The following SLIT1 variants were observed in gnomAD, a reference collection of about 807,000 sequenced individuals.
SLIT1 encodes slit homolog 1 protein.
In SLIT1, 66 loss-of-function variants were observed where a neutral mutation model predicts 186.1. The ratio of observed to expected loss-of-function variants is 0.35; its 90% CI spans 0.29 to 0.44. The LOEUF (loss-of-function observed/expected upper bound fraction) is 0.44. Ranked by LOEUF, SLIT1 falls within the 20% of genes least tolerant of loss-of-function variation. The probability of loss-of-function intolerance (pLI) is 1.00; values close to 1 mark genes in which losing one functional copy is unlikely to be tolerated. For missense variants in SLIT1, 1,638 were observed against 2,037.4 expected (o/e 0.80, Z 3.77); for synonymous variants, 761 against 833.8 (o/e 0.91, Z 1.50).
intron 4 of SLIT1, among the ~76,000 whole-genome samples, chr10:97,092,111 C>T (rs1057133217): frequency 2.6e-5 from 4 of 152,252 alleles, no homozygotes; most frequent in Admixed American, 2.0e-4. Flanking sequence ...GCTGTCAAGG[C>T]AGCTCTGGCA....
intron 1 of SLIT1, among the ~76,000 whole-genome samples, chr10:97,165,994 C>T (rs1014901324): frequency 6.6e-6 from 1 of 152,052 alleles, no homozygotes; most frequent in Non-Finnish European, 1.5e-5. Context: ...CTCCCTCAGG[C>T]CTCACTCCAG....
intron 4 of SLIT1, among the ~76,000 whole-genome samples, chr10:97,091,583 T>C (rs1427038638): frequency 1.3e-5 from 2 of 152,250 alleles, no homozygotes; most frequent in Non-Finnish European, 2.9e-5. Flanking sequence ...AACTTTACCA[T>C]CCTGCTGGTC....
intron 4 of SLIT1, among the ~76,000 whole-genome samples, chr10:97,132,307 T>C (rs192551530): frequency 3.3e-5 from 5 of 152,278 alleles, no homozygotes; most frequent in Admixed American, 3.3e-4. Flanking sequence ...AACTTGAGGT[T>C]CCCCTTCAAT....
intron 4 of SLIT1, among the ~76,000 whole-genome samples, chr10:97,093,640 C>T (rs144988664): frequency 6.6e-6 from 1 of 152,352 alleles, no homozygotes; most frequent in Non-Finnish European, 1.5e-5. Context: ...TCCCAGCTGA[C>T]TCTGGAGCTG....
chr10:97,038,485 C>G (rs61864169), intron 21 of SLIT1, among the ~76,000 whole-genome samples: 15 of 152,332 alleles, frequency 9.8e-5, no homozygotes, highest in Non-Finnish European at 1.9e-4. Flanking sequence ...ACCAAGCCCA[C>G]CGAAATCCTC....
At chr10:97,088,330 A>G (rs1159445624) in intron 4 of SLIT1, among the ~76,000 whole-genome samples, 2 of 152,158 alleles carry the variant, frequency 1.3e-5, no homozygotes, top group Non-Finnish European at 2.9e-5. Context: ...CCTTTCTCAC[A>G]GTATTTCCAA....
chr10:97,056,086 G>A (rs560312589), intron 13 of SLIT1, among the ~76,000 whole-genome samples: 7 of 152,228 alleles, frequency 4.6e-5, no homozygotes, highest in East Asian at 3.9e-4. Flanking sequence ...CCCATCTTAC[G>A]GATAAATAAA....
rs140524557 is a variant in SLIT1 at position 97,019,212 on chromosome 10, C to G, written c.2747-105G>C. On this transcript the variant is annotated intron_variant, in intron 26 of 36. Transcript: ENST00000266058. The stretch of plus-strand genomic sequence containing the variant: ...AGCCCATGTCCAAGGAGCCGTTTCC[C>G]CTCCTGATTTTTCCCCAGATCGTGC... The G allele has an allele frequency of 2.4e-4, 178 of 730,520 alleles. 1 individual carries two copies. Among genetic ancestry groups the G allele is most frequent in the Non-Finnish European group, 3.7e-4 (157 of 420,568 alleles). The allele number at this position is 730,520 out of a possible 1,614,324, so 45.3% of individuals were successfully genotyped here.
At chr10:97,002,415 G>T in intron 35 of SLIT1, 46 bp from the exon 36 acceptor site, 1 of 1,456,334 alleles carries the variant, frequency 6.9e-7, no homozygotes, top group Non-Finnish European at 9.3e-7. Context: ...ACCCAGCCAA[G>T]CCCCACCTGA....
At chr10:97,135,097 G>C (rs933500929) in intron 4 of SLIT1, among the ~76,000 whole-genome samples, 15 of 152,174 alleles carry the variant, frequency 9.9e-5, no homozygotes, top group Non-Finnish European at 1.5e-4. Flanking sequence ...ATCTGACGTA[G>C]GAAAAGCCAG....
chr10:97,047,151 C>A (rs1004848883), intron 16 of SLIT1, 86 bp from the exon 17 acceptor site: 17 of 867,718 alleles, frequency 2.0e-5, no homozygotes, highest in African/African-American at 5.1e-5. Flanking sequence ...GGGACTCAAA[C>A]AGAGAAGACT....
intron 28 of SLIT1, among the ~76,000 whole-genome samples, chr10:97,015,954 A>G (rs368222804): frequency 7.2e-5 from 11 of 152,324 alleles, no homozygotes; most frequent in East Asian, 5.8e-4. Context: ...GTTAGAGGAG[A>G]AAAAAGAACA....
At chr10:97,012,923 G>T (rs1040758049) in intron 30 of SLIT1, among the ~76,000 whole-genome samples, 4 of 152,200 alleles carry the variant, frequency 2.6e-5, no homozygotes, top group Non-Finnish European at 5.9e-5. Context: ...ATGAGACTAC[G>T]TTTGCACAAC....
intron 20 of SLIT1, among the ~76,000 whole-genome samples, chr10:97,040,679 G>A (rs1448510160): frequency 1.3e-5 from 2 of 152,210 alleles, no homozygotes; most frequent in Non-Finnish European, 2.9e-5. Context: ...CACCTTGCTT[G>A]AATCATAAAG....
intron 1 of SLIT1, among the ~76,000 whole-genome samples, chr10:97,169,840 G>A (rs1294112071): frequency 2.0e-5 from 3 of 152,234 alleles, no homozygotes; most frequent in African/African-American, 7.2e-5. Context: ...TTGCTGAGGA[G>A]GAAACTGAGG....
At chr10:97,100,350 G>A (rs1233808280) in intron 4 of SLIT1, among the ~76,000 whole-genome samples, 1 of 152,178 alleles carries the variant, frequency 6.6e-6, no homozygotes, top group Non-Finnish European at 1.5e-5. Context: ...TTGGCCGGGT[G>A]CAGTGGCTCA....
chr10:97,061,022 A>C (rs1361686868), intron 8 of SLIT1, among the ~76,000 whole-genome samples: 4 of 152,256 alleles, frequency 2.6e-5, no homozygotes, highest in Non-Finnish European at 5.9e-5. Context: ...ACTGAACTGC[A>C]CTGGTGTGTG....
Position 97,004,913 on chromosome 10 carries a change from G to T in SLIT1, c.3580-90C>A. On this transcript the variant is annotated intron_variant, in intron 32 of 36. Transcript: ENST00000266058. The surrounding 1 kb of genome is among the most constrained non-coding windows in gnomAD (Gnocchi z 5.1). ...GGGGCAGAGAGGGCACCCAAGATTG[G>T]AAGAGAGATGCTCTGTGCAGAGCGC... is the stretch of plus-strand genomic sequence containing the variant. 2 of 1,478,420 alleles carry T rather than the reference G, an allele frequency of 1.4e-6. No homozygotes were observed. Among genetic ancestry groups the T allele is most frequent in the Non-Finnish European group, 1.9e-6 (2 of 1,066,666 alleles). 91.6% of individuals were successfully genotyped at this position (1,478,420 alleles called of 1,614,324 possible).
chr10:97,108,620 G>A (rs1849435989), intron 4 of SLIT1, among the ~76,000 whole-genome samples: 1 of 152,154 alleles, frequency 6.6e-6, no homozygotes, highest in African/African-American at 2.4e-5. Flanking sequence ...GCCAGGTGTG[G>A]TGGCTCATGC....
Sources: allele counts gnomAD v4.1 joint callset (sites outside exome capture counted in the v4.1 genomes callset), GRCh38; gene constraint gnomAD v4.1.1; non-coding constraint Gnocchi (gnomAD v3.1); transcripts MANE v1.5; gene names NCBI Gene and HGNC (gene_info 2026-07-23, HGNC 2026-07-21).